The following MYH7B variants were observed in gnomAD, a reference collection of about 807,000 sequenced individuals.
The protein encoded by MYH7B is myosin heavy chain 7B.
MYH7B carries 205 observed loss-of-function variants against 234.5 expected under a neutral mutation model. That is an observed-to-expected ratio of 0.87 (90% CI 0.78 to 0.98). MYH7B has a LOEUF of 0.98. MYH7B is among the 50% of genes least tolerant of loss of function. MYH7B has a pLI of 0.00. For synonymous variants in MYH7B, 1,193 were observed against 1,105.0 expected (o/e 1.08, Z -1.58); for missense variants, 2,652 against 2,633.4 (o/e 1.01, Z -0.15).
At position 34,990,551 on chromosome 20, in the gene MYH7B, G is replaced by A. The variant is rs374005360; in HGVS notation, c.1978-187G>A. 8.8e-6 allele frequency: 7 copies of A among 798,872 alleles called. 1 individual carries two copies. The highest frequency in any genetic ancestry group is 3.4e-5 in the African/African-American group (2 of 59,512). The allele number at this position is 798,872 out of a possible 1,614,324, so 49.5% of individuals were successfully genotyped here. On this transcript the variant is annotated intron_variant, in intron 22 of 44. Coordinates refer to ENST00000262873, the Ensembl canonical transcript of MYH7B. The stretch of plus-strand genomic sequence containing the variant: ...CTCTGGGAGGGACGGGGATTTGGCA[G>A]GGAAGTGAAGACTTTGGTGGTGGTG...
exon 22 of MYH7B, chr20:34,990,238 G>A (rs376057980): frequency 1.2e-6 from 2 of 1,613,994 alleles, no homozygotes; most frequent in African/African-American, 2.7e-5. Flanking sequence ...TATTAGCTGA[G>A]CCCCCCAAGT....
exon 32 of MYH7B, chr20:34,997,548 C>A: frequency 6.2e-7 from 1 of 1,611,478 alleles, no homozygotes; most frequent in Non-Finnish European, 8.5e-7. Context: ...CAGCCTGCAG[C>A]GGGTGCGGCA....
chr20:35,001,179 C>T, intron 41 of MYH7B, 21 bp downstream of exon 41: 1 of 1,610,114 alleles, frequency 6.2e-7, no homozygotes, highest in South Asian at 1.1e-5. Context: ...CCCCTCTAGT[C>T]CTTGGCGCAG....
At chr20:34,999,026 G>A (rs768104929) in intron 35 of MYH7B, 30 bp from the exon 36 acceptor site, 3 of 1,594,686 alleles carry the variant, frequency 1.9e-6, no homozygotes, top group East Asian at 2.2e-5. Context: ...TCCTTCCATG[G>A]TCCACACCTT....
Position 35,001,540 on chromosome 20 carries a change from G to A in MYH7B, c.5676+14G>A, listed in dbSNP as rs555599428. The A allele has an allele frequency of 6.9e-6, 11 of 1,591,266 alleles. No individual in the cohort carries two copies. The African/African-American group carries it at 1.2e-4, about 18-fold the overall frequency. On this transcript the variant is annotated intron_variant, in intron 43 of 44. Transcript: ENST00000262873. Reference sequence around the variant, plus strand: ...TTTGAGGAGGCGGTGAGTGCGCTGGGGCCTGGACACCTGGACCGGGCACCC... The same window carrying A: ...TTTGAGGAGGCGGTGAGTGCGCTGGAGCCTGGACACCTGGACCGGGCACCC...
In MYH7B at chr20:34,997,507, A is replaced by G; in HGVS notation, c.3614A>G (p.Glu1205Gly). The change falls in exon 32 of 45, where the codon GAG becomes GGG. Residue 1205 changes from glutamate (E) to glycine (G), a missense_variant. By Grantham distance (98) the Glu-to-Gly change is moderately conservative (BLOSUM62 -2). Coordinates refer to ENST00000262873, the Ensembl canonical transcript of MYH7B. The stretch of plus-strand genomic sequence containing the variant: ...GCGGCACTGCGGCGCAAGCAGGCGG[A>G]GGGCGCGGCGGAGCTGGGGGAGCAG... 6 of 1,586,460 alleles carry G rather than the reference A, an allele frequency of 3.8e-6. No individual in the cohort carries two copies. Among genetic ancestry groups the G allele is most frequent in the Non-Finnish European group, 5.1e-6 (6 of 1,167,632 alleles).
chr20:34,963,946 C>T (rs1333187575), intron 2 of MYH7B, among the ~76,000 whole-genome samples: 2 of 152,126 alleles, frequency 1.3e-5, no homozygotes, highest in African/African-American at 4.8e-5. Flanking sequence ...CATTCATTTT[C>T]ACTGCTCTAT....
exon 27 of MYH7B, chr20:34,994,273 G>A (rs1435887034): frequency 6.2e-7 from 1 of 1,612,750 alleles, no homozygotes; most frequent in Non-Finnish European, 8.5e-7. Flanking sequence ...GGAGCTGGCG[G>A]CCCTGCGGGC....
chr20:34,985,960 C>T, intron 13 of MYH7B, 140 bp from the exon 14 acceptor site: 1 of 698,712 alleles, frequency 1.4e-6, no homozygotes, highest in East Asian at 2.7e-5. Flanking sequence ...AGGGGAGATA[C>T]CCTCCCCACA....
chr20:34,985,566 G>A (rs149329594), intron 13 of MYH7B, among the ~76,000 whole-genome samples: 1,299 of 96,156 alleles, frequency 0.014, 8 homozygotes, highest in Middle Eastern at 0.061. Flanking sequence ...CAGGCACCCC[G>A]CTGGGAAGTG....
chr20:34,993,668 TTCAGGACA>T (rs2082200028), intron 26 of MYH7B, among the ~76,000 whole-genome samples, 198 bp downstream of exon 26: 1 of 152,234 alleles, frequency 6.6e-6, no homozygotes, highest in Non-Finnish European at 1.5e-5. Context: ...GCCTCTCCAT[TTCAGGACA>T]TCAGCGTGTG....
Position 35,001,279 on chromosome 20 carries a change from AG to A in MYH7B, c.5511del (p.Lys1838ArgfsTer123). On this transcript the variant is annotated frameshift_variant, in exon 42 of 45. Transcript: ENST00000262873. LOFTEE classifies it high-confidence loss of function. The stretch of plus-strand genomic sequence containing the variant: ...CTGGAGGCTGAGCTTGATGCAGAGC[AG>A]AAGAAGCACGCCGAGGCCCTTAAGG... 6.2e-7 allele frequency: 1 copy of A among 1,612,964 alleles called. No homozygotes were observed. Among genetic ancestry groups the A allele is most frequent in the Non-Finnish European group, 8.5e-7 (1 of 1,179,548 alleles).
chr20:34,975,958 C>T (rs1029248812), intron 3 of MYH7B, among the ~76,000 whole-genome samples: 3 of 151,614 alleles, frequency 2.0e-5, no homozygotes, highest in Admixed American at 6.6e-5. Flanking sequence ...CCTCGTGATC[C>T]GCCCTCCTCG....
At chr20:35,000,346 C>G in exon 39 of MYH7B, 1 of 1,597,400 alleles carries the variant, frequency 6.3e-7, no homozygotes, top group Non-Finnish European at 8.5e-7. Flanking sequence ...GATGCAGAGA[C>G]ACGGGCCCGC....
chr20:35,002,342 C>T, exon 45 of MYH7B: 3 of 832,210 alleles, frequency 3.6e-6, no homozygotes, highest in Non-Finnish European at 5.2e-6. Flanking sequence ...CCTTCTCATT[C>T]TTTTCTTTGG....
chr20:34,996,393 C>T lies in MYH7B; in HGVS notation c.2991C>T (p.Ala997=), dbSNP rs2082257512. ...TGGCTGCGCTGGACGAGTCAGTGGC[C>T]CGGCTGACCAAGGAGAAGAAGGCGT... The change falls in exon 29 of 45, where the codon GCC becomes GCT. Residue 997 remains alanine, a synonymous_variant. Coordinates refer to ENST00000262873, the Ensembl canonical transcript of MYH7B. 6.2e-7 allele frequency: 1 copy of T among 1,611,056 alleles called. No individual in the cohort carries two copies. The highest frequency in any genetic ancestry group is 1.3e-5 in the African/African-American group (1 of 74,856).
At chr20:34,958,580 C>G (rs2147145980) in intron 2 of MYH7B, among the ~76,000 whole-genome samples, 1 of 152,290 alleles carries the variant, frequency 6.6e-6, no homozygotes, top group South Asian at 2.1e-4. Context: ...ATTCTCCTGC[C>G]TCAGTCTCCT....
At chr20:34,977,475 C>T (rs1450618869) in intron 3 of MYH7B, among the ~76,000 whole-genome samples, 157 bp from the exon 4 acceptor site, 5 of 152,110 alleles carry the variant, frequency 3.3e-5, no homozygotes, top group Admixed American at 6.5e-5. Context: ...TGTCTCTCTC[C>T]GCCTTTGTGA....
chr20:35,001,931 CCT>C lies in MYH7B; in HGVS notation c.5677-16_5677-15del, dbSNP rs754423344. ...TCAGTCACCCAAGCGGAACCAAGGC[CCT>C]GTGTGTGCCCCCAGGAGCAGCAGGC... is the stretch of plus-strand genomic sequence containing the variant. On this transcript the variant is annotated splice_polypyrimidine_tract_variant and intron_variant, in intron 43 of 44. Coordinates refer to ENST00000262873, the Ensembl canonical transcript of MYH7B. 6.2e-7 allele frequency: 1 copy of C among 1,609,208 alleles called. No homozygotes were observed. The highest frequency in any genetic ancestry group is 1.1e-5 in the South Asian group (1 of 90,546).
Sources: gnomAD v4.1 joint callset for allele counts (sites outside exome capture counted in the v4.1 genomes callset) on GRCh38, gnomAD v4.1.1 for gene constraint, MANE v1.5 for transcripts, NCBI Gene and HGNC (gene_info 2026-07-23, HGNC 2026-07-21) for gene names.